The following FANCD2 variants were observed in gnomAD, a reference collection of about 807,000 sequenced individuals.
FANCD2 encodes the protein FA complementation group D2.
A neutral mutation model predicts 192.3 loss-of-function variants in FANCD2; 131 were observed. That is an observed-to-expected ratio of 0.68 (90% CI 0.59 to 0.79). The LOEUF is 0.79. Ranked by LOEUF, FANCD2 falls within the 30% of genes least tolerant of loss-of-function variation. The probability of loss-of-function intolerance (pLI) is 0.00; values close to 1 mark genes in which losing one functional copy is unlikely to be tolerated. For missense variants in FANCD2, 1,508 were observed against 1,701.6 expected (o/e 0.89, Z 2.00); for synonymous variants, 524 against 612.5 (o/e 0.86, Z 2.13).
At position 10,100,877 on chromosome 3, in the gene FANCD2, C is replaced by T. The variant is rs867730697; in HGVS notation, c.4282-311C>T. 5.9e-5 allele frequency among the ~76,000 whole-genome samples: 9 copies of T among 152,084 alleles called. No individual in the cohort carries two copies. The South Asian group carries it at 1.9e-3, about 32-fold the overall frequency. On this transcript the variant is annotated intron_variant, in intron 43 of 43. Coordinates refer to ENST00000675286, the MANE Select transcript of FANCD2 (RefSeq NM_001018115.3). Reference sequence around the variant, plus strand: ...CTGAGGCCAGGAGTTTGAGACCAGCCTTGCCAATGTGGAGAAACCCCGTCT... The same window carrying T: ...CTGAGGCCAGGAGTTTGAGACCAGCTTTGCCAATGTGGAGAAACCCCGTCT...
rs373332685 is a variant in FANCD2 at position 10,054,644 on chromosome 3, C to T, written c.1656+2147C>T. Among the ~76,000 whole-genome samples the T allele has an allele frequency of 1.7e-4, 26 of 149,076 alleles. No individual in the cohort carries two copies. In the East Asian group the frequency reaches 1.8e-3, roughly 10 times the overall value. On this transcript the variant is annotated intron_variant, in intron 18 of 43. Transcript: ENST00000675286. ...GACTACAGGCGCCCGCCACCACGCCCGGCTAATTTTTTGTATTTTTAGTAG... is the reference window on the plus strand; with the variant it reads ...GACTACAGGCGCCCGCCACCACGCCTGGCTAATTTTTTGTATTTTTAGTAG...
intron 29 of FANCD2, 99 bp from the exon 30 acceptor site, chr3:10,077,982 A>G (rs567424125): frequency 1.6e-5 from 14 of 850,700 alleles, no homozygotes; most frequent in African/African-American, 1.3e-4. Flanking sequence ...TGGAATAGCT[A>G]TGATCTTGCC....
intron 12 of FANCD2, 98 bp downstream of exon 12, chr3:10,043,248 C>A: frequency 1.1e-6 from 1 of 891,158 alleles, no homozygotes; most frequent in Non-Finnish European, 1.9e-6. Flanking sequence ...ACTATTATGA[C>A]ATTTACATCT....
Position 10,065,385 on chromosome 3 carries a change from C to G in FANCD2, c.2169-9C>G. 6.3e-7 allele frequency: 1 copy of G among 1,593,384 alleles called. No homozygotes were observed. The highest frequency in any genetic ancestry group is 8.6e-7 in the Non-Finnish European group (1 of 1,161,058). On this transcript the variant is annotated splice_polypyrimidine_tract_variant and intron_variant, in intron 23 of 43. Coordinates refer to ENST00000675286, the MANE Select transcript of FANCD2 (RefSeq NM_001018115.3). ...AAGTGTGGTCTAGAAATTTATTTCT[C>G]CTTCTCAGATTGGTGTCTCCGCTGT...
rs57661428 is a variant in FANCD2, at chr3:10,046,055, C to CTTTTTTTTTTTTTTTTTTTTT, written c.1135-510_1135-509insTTTTTTTTTTTTTTTTTTTTT. On this transcript the variant is annotated intron_variant, in intron 14 of 43. Coordinates refer to ENST00000675286, the MANE Select transcript of FANCD2 (RefSeq NM_001018115.3). ...ACTTTCATGCATATTGCTCTGTATT[C>CTTTTTTTTTTTTTTTTTTTTT]TTTTTTTTTTTTTTTGAGAATGGAA... is the stretch of plus-strand genomic sequence containing the variant. 2.6e-4 allele frequency among the ~76,000 whole-genome samples: 32 copies of CTTTTTTTTTTTTTTTTTTTTT among 124,416 alleles called. 1 individual carries two copies. Among genetic ancestry groups the CTTTTTTTTTTTTTTTTTTTTT allele is most frequent in the African/African-American group, 5.3e-4 (16 of 30,352 alleles). The allele number at this position is 124,416 out of a possible 152,430, so 81.6% of individuals were successfully genotyped here. A position where few individuals can be genotyped will look rare whatever the true frequency, so the allele number is the denominator to read the frequency against.
intron 6 of FANCD2, among the ~76,000 whole-genome samples, chr3:10,036,052 C>T (rs2086720070): frequency 6.7e-6 from 1 of 148,308 alleles, no homozygotes; most frequent in Non-Finnish European, 1.5e-5. Flanking sequence ...GTGTTTATTC[C>T]AGGAGCTCTA....
In FANCD2 at chr3:10,027,474, C is replaced by G. The variant is rs552778467; in HGVS notation, c.-34+1001C>G. Among the ~76,000 whole-genome samples, 238 of 152,328 alleles carry G rather than the reference C, an allele frequency of 1.6e-3. 2 individuals carry two copies. The highest frequency in any genetic ancestry group is 5.7e-3 in the African/African-American group (235 of 41,556). Reference sequence around the variant, plus strand: ...ATTAAAAGGTCATGTGATTCAGGCACTTCCCCCACCTCTGCTGTCTGATTT... The same window carrying G: ...ATTAAAAGGTCATGTGATTCAGGCAGTTCCCCCACCTCTGCTGTCTGATTT... On this transcript the variant is annotated intron_variant, in intron 1 of 43. Transcript: ENST00000675286.
intron 37 of FANCD2, among the ~76,000 whole-genome samples, chr3:10,091,905 C>G (rs1694634220): frequency 6.6e-6 from 1 of 152,246 alleles, no homozygotes; most frequent in Non-Finnish European, 1.5e-5. Flanking sequence ...CTAGCCTGGC[C>G]AACATGGTCA....
intron 32 of FANCD2, among the ~76,000 whole-genome samples, chr3:10,085,476 C>T (rs886321856): frequency 1.7e-4 from 26 of 151,152 alleles, no homozygotes; most frequent in African/African-American, 6.3e-4. Flanking sequence ...ACTGCAGCCT[C>T]CACCTCCCGA....
chr3:10,101,062 C>CT, intron 43 of FANCD2, 126 bp from the exon 44 acceptor site: 1 of 691,158 alleles, frequency 1.4e-6, no homozygotes, highest in Non-Finnish European at 2.5e-6. Context: ...AGCAAGACTC[C>CT]TTTAAAAAAA....
At chr3:10,072,283 T>C (rs1693297010) in intron 26 of FANCD2, among the ~76,000 whole-genome samples, 1 of 138,730 alleles carries the variant, frequency 7.2e-6, no homozygotes, top group African/African-American at 3.3e-5. Context: ...CCTTTCCCTT[T>C]TTTTTTTTTT....
chr3:10,085,182 G>T (rs965804564), intron 32 of FANCD2, among the ~76,000 whole-genome samples: 2 of 152,180 alleles, frequency 1.3e-5, no homozygotes, highest in African/African-American at 4.8e-5. Flanking sequence ...TATAGGGAAT[G>T]AAGGAGAGCT....
At chr3:10,082,644 C>T (rs149642476) in intron 32 of FANCD2, among the ~76,000 whole-genome samples, 229 of 152,248 alleles carry the variant, frequency 1.5e-3, no homozygotes, top group African/African-American at 4.7e-3. Flanking sequence ...TGCCAGGACC[C>T]CCACTCTTCT....
chr3:10,051,414 GGAGTGA>G (rs1322256037), intron 17 of FANCD2, among the ~76,000 whole-genome samples: 1 of 47,982 alleles, frequency 2.1e-5, no homozygotes, highest in African/African-American at 1.4e-4. Context: ...AAAACAAAAA[GGAGTGA>G]GGGATTTATC....
At chr3:10,029,915 C>A (rs1432224672) in intron 2 of FANCD2, among the ~76,000 whole-genome samples, 1 of 151,850 alleles carries the variant, frequency 6.6e-6, no homozygotes, top group East Asian at 1.9e-4. Flanking sequence ...TCCCGAGTAG[C>A]TGGGATTACA....
chr3:10,081,287 A>G (rs956451410), intron 31 of FANCD2, 59 bp downstream of exon 31: 4 of 1,613,236 alleles, frequency 2.5e-6, no homozygotes, highest in Non-Finnish European at 3.4e-6. Context: ...TTTGGCTGAG[A>G]AAAAGGAAAA....
At chr3:10,090,433 G>T in intron 37 of FANCD2, 48 bp downstream of exon 37, 1 of 858,962 alleles carries the variant, frequency 1.2e-6, no homozygotes. Flanking sequence ...GGATTACTTG[G>T]AAGTTGCTGA....
At chr3:10,046,524 GCA>G in intron 14 of FANCD2, 54 bp from the exon 15 acceptor site, 3 of 1,607,068 alleles carry the variant, frequency 1.9e-6, no homozygotes, top group Non-Finnish European at 2.6e-6. Context: ...TTTCATTGTA[GCA>G]AATGTACTGA....
chr3:10,029,540 C>T (rs2086539176), intron 2 of FANCD2, among the ~76,000 whole-genome samples: 1 of 151,996 alleles, frequency 6.6e-6, no homozygotes, highest in Non-Finnish European at 1.5e-5. Context: ...GTTGATAGTT[C>T]ATTTATTGCT....
Sources: gnomAD v4.1 joint callset for allele counts (sites outside exome capture counted in the v4.1 genomes callset) on GRCh38, gnomAD v4.1.1 for gene constraint, MANE v1.5 for transcripts, NCBI Gene and HGNC (gene_info 2026-07-23, HGNC 2026-07-21) for gene names.